The following LRP1 variants were observed in gnomAD, a reference collection of about 807,000 sequenced individuals.
LRP1 encodes LDL receptor related protein 1.
LRP1 carries 51 observed loss-of-function variants against 541.5 expected under a neutral mutation model. That is an observed-to-expected ratio of 0.09 (90% CI 0.08 to 0.12). The LOEUF (loss-of-function observed/expected upper bound fraction) is 0.12, where lower values mean the gene tolerates loss of function less well. Among genes scored for constraint, LRP1 ranks in the 10% least tolerant of loss-of-function variants. The pLI is 1.00. For synonymous variants in LRP1, 2,219 were observed against 2,470.8 expected, an observed-to-expected ratio of 0.90 and a Z score of 3.02; for missense variants, 3,878 against 6,376.2, an observed-to-expected ratio of 0.61 and a Z score of 13.34.
chr12:57,149,686 G>A, intron 6 of LRP1: 1 of 734,482 alleles, frequency 1.4e-6, no homozygotes, highest in East Asian at 2.5e-5. Context: ...ACAGGCAGGA[G>A]CAGGAAGAGA....
Position 57,180,577 on chromosome 12 carries a change from G to A in LRP1, c.5387-90G>A. 2.5e-6 allele frequency: 4 copies of A among 1,607,584 alleles called. No individual in the cohort carries two copies. The South Asian group carries it at 4.4e-5, about 18-fold the overall frequency. On this transcript the variant is annotated intron_variant, in intron 32 of 88. Transcript: ENST00000243077. ...CTTGGGGCAGTCTCTCACCATGTGG[G>A]GCGGGCCTGATGACTTAGGGCCAAT...
At chr12:57,141,324 A>T in intron 2 of LRP1, 50 bp from the exon 3 acceptor site, 2 of 1,610,622 alleles carry the variant, frequency 1.2e-6, no homozygotes, top group Non-Finnish European at 1.7e-6. Context: ...AGCTGACCAG[A>T]GAGCCACCAT....
At chr12:57,190,471 G>A (rs1158293971) in intron 42 of LRP1, among the ~76,000 whole-genome samples, 1 of 152,242 alleles carries the variant, frequency 6.6e-6, no homozygotes, top group Non-Finnish European at 1.5e-5. Context: ...GCACCTAGCT[G>A]GTGGGTGGTG....
chr12:57,203,359 G>T (rs752144799), intron 69 of LRP1, 30 bp from the exon 70 acceptor site: 1 of 1,594,760 alleles, frequency 6.3e-7, no homozygotes. Context: ...GTGCCGAGAG[G>T]TGACCGGCTG....
Position 57,205,772 on chromosome 12 carries a change from C to T in LRP1, c.11590+95C>T. 1.3e-6 allele frequency: 2 copies of T among 1,525,688 alleles called. No individual in the cohort carries two copies. Among genetic ancestry groups the T allele is most frequent in the Non-Finnish European group, 1.8e-6 (2 of 1,133,350 alleles). The allele number at this position is 1,525,688 out of a possible 1,614,324, so 94.5% of individuals were successfully genotyped here. ...TTGGAATGGAATGTCTTCCTGCGGA[C>T]ATCTTGCCCAGACAAGAAGCCCCAG... On this transcript the variant is annotated intron_variant, in intron 75 of 88. Transcript: ENST00000243077. This position sits in a 1 kb window ranked among gnomAD's most constrained non-coding sequence, Gnocchi z 4.6.
chr12:57,160,970 G>C lies in LRP1; in HGVS notation c.2057G>C (p.Gly686Ala). ...RGRLERAWMD[G>A]SHRDIFVTSK... ...CGGCTGGAGAGGGCGTGGATGGATGGCTCACACCGAGACATCTTTGTCACC... is the reference window on the plus strand; with the variant it reads ...CGGCTGGAGAGGGCGTGGATGGATGCCTCACACCGAGACATCTTTGTCACC... Residue 686 changes from glycine (G) to alanine (A), a missense_variant, in exon 13 of 89, where the codon GGC (glycine) becomes GCC (alanine). This residue lies in a region of LRP1 where 496 missense variants were observed against 861.0 expected (regional missense o/e 0.58). Coordinates refer to ENST00000243077, the MANE Select transcript of LRP1 (RefSeq NM_002332.3). The C allele has an allele frequency of 6.2e-7, 1 of 1,613,962 alleles. No homozygotes were observed. The highest frequency in any genetic ancestry group is 8.5e-7 in the Non-Finnish European group (1 of 1,180,026).
Position 57,161,013 on chromosome 12 carries a change from G to A in LRP1, c.2100G>A (p.Trp700Ter), listed in dbSNP as rs1555182810. 6.2e-7 allele frequency: 1 copy of A among 1,614,006 alleles called. No individual in the cohort carries two copies. The highest frequency in any genetic ancestry group is 8.5e-7 in the Non-Finnish European group (1 of 1,180,026). Reference sequence around the variant, plus strand: ...TTGTCACCTCCAAGACAGTGCTTTGGCCCAATGGGCTAAGCCTGGACATCC... The same window carrying A: ...TTGTCACCTCCAAGACAGTGCTTTGACCCAATGGGCTAAGCCTGGACATCC... ...DIFVTSKTVL[W>*]PNGLSLDIPA... Residue 700 changes from tryptophan (W) to a stop codon, truncating the protein, a stop_gained, in exon 13 of 89, where the codon TGG becomes TGA. Transcript: ENST00000243077. LOFTEE classifies it high-confidence loss of function.
chr12:57,148,984 G>A (rs754431380), intron 6 of LRP1: 2 of 641,554 alleles, frequency 3.1e-6, no homozygotes, highest in Non-Finnish European at 5.6e-6. Context: ...TTTTTAGTGT[G>A]TGTGTTTTCG....
intron 58 of LRP1, 93 bp from the exon 59 acceptor site, chr12:57,198,063 C>T: frequency 9.0e-7 from 1 of 1,106,702 alleles, no homozygotes; most frequent in Non-Finnish European, 1.3e-6. Context: ...GAGCTCTACC[C>T]CATTTTACAC....
At chr12:57,159,745 C>A in intron 11 of LRP1, 80 bp from the exon 12 acceptor site, 1 of 1,458,758 alleles carries the variant, frequency 6.9e-7, no homozygotes, top group South Asian at 1.2e-5. Flanking sequence ...TCAAAGGTAC[C>A]TGAGTCCGGG....
Position 57,183,138 on chromosome 12 carries a change from T to G in LRP1, c.5663-241T>G, listed in dbSNP as rs1047074283. On this transcript the variant is annotated intron_variant, in intron 34 of 88. Coordinates refer to ENST00000243077, the MANE Select transcript of LRP1 (RefSeq NM_002332.3). This position sits in a 1 kb window ranked among gnomAD's most constrained non-coding sequence, Gnocchi z 6.1. The stretch of plus-strand genomic sequence containing the variant: ...GCACAGGGTGAGAAATCCGAGTCTC[T>G]GCTGCCCTCTCATGGTGGCTAGGGG... Among the ~76,000 whole-genome samples, 3 of 152,090 alleles carry G rather than the reference T, an allele frequency of 2.0e-5. No homozygotes were observed. The highest frequency in any genetic ancestry group is 4.4e-5 in the Non-Finnish European group (3 of 68,002).
Position 57,210,115 on chromosome 12 carries a change from C to G in LRP1, c.12526C>G (p.Arg4176Gly). ...TGTCTGCACCTGTCCCAATGGGAAGCGGCTGGACAACGGCACATGCGTGCC... is the reference window on the plus strand; with the variant it reads ...TGTCTGCACCTGTCCCAATGGGAAGGGGCTGGACAACGGCACATGCGTGCC... ...GPVCTCPNGK[R>G]LDNGTCVPVP... The change falls in exon 81 of 89, where the codon CGG becomes GGG. Residue 4176 changes from arginine to glycine, a missense_variant. By Grantham distance (125) the Arg-to-Gly change is moderately radical. Transcript: ENST00000243077. 1 of 1,613,414 alleles carries G rather than the reference C, an allele frequency of 6.2e-7. No individual in the cohort carries two copies. Among genetic ancestry groups the G allele is most frequent in the Non-Finnish European group, 8.5e-7 (1 of 1,179,736 alleles).
intron 22 of LRP1, 76 bp downstream of exon 22, chr12:57,174,056 C>T (rs913941162): frequency 2.1e-6 from 3 of 1,460,010 alleles, no homozygotes; most frequent in East Asian, 4.8e-5. Context: ...CTTTGGGGGA[C>T]CTGAGTCTAG....
chr12:57,208,867 G>A (rs777923321), intron 78 of LRP1, 50 bp downstream of exon 78: 28 of 1,433,324 alleles, frequency 2.0e-5, no homozygotes, highest in East Asian at 6.8e-5. Flanking sequence ...GGCCCGGCTC[G>A]CAGAGCCCAG....
chr12:57,165,849 T>G lies in LRP1; in HGVS notation c.2575T>G (p.Phe859Val). ...VPPPQCQPGE[F>V]ACANSRCIQE... ...TCCACCCCAGTGCCAGCCAGGCGAG[T>G]TTGCCTGTGCCAACAGCCGCTGCAT... is the stretch of plus-strand genomic sequence containing the variant. Residue 859 changes from phenylalanine to valine, a missense_variant, in exon 16 of 89, where the codon TTT becomes GTT. Around this residue, in one of 13 missense-constraint regions of LRP1, gnomAD observed 496 missense variants for 861.0 expected, o/e 0.58. Transcript: ENST00000243077. This position sits in a 1 kb window ranked among gnomAD's most constrained non-coding sequence, Gnocchi z 4.5. 1 of 1,614,106 alleles carries G rather than the reference T, an allele frequency of 6.2e-7. No homozygotes were observed. The highest frequency in any genetic ancestry group is 8.5e-7 in the Non-Finnish European group (1 of 1,180,022).
chr12:57,174,400 G>A (rs1244857323), intron 22 of LRP1, among the ~76,000 whole-genome samples: 1 of 152,178 alleles, frequency 6.6e-6, no homozygotes, highest in Non-Finnish European at 1.5e-5. Context: ...AGGGTTGACT[G>A]CTGATGGTCA....
Position 57,129,506 on chromosome 12 carries a change from C to T in LRP1, c.67+475C>T, listed in dbSNP as rs34405742. On this transcript the variant is annotated intron_variant, in intron 1 of 88. Transcript: ENST00000243077. The stretch of plus-strand genomic sequence containing the variant: ...GGGAGCCAGGCCAGGGGTACCCTGC[C>T]GGGCAGAGGGCAGGCAGGCCCGGGA... 4.5e-3 allele frequency among the ~76,000 whole-genome samples: 688 copies of T among 152,052 alleles called. 5 individuals carry two copies. The highest frequency in any genetic ancestry group is 0.016 in the African/African-American group (654 of 41,482).
chr12:57,142,276 G>A (rs1467493192), intron 3 of LRP1, among the ~76,000 whole-genome samples: 3 of 152,218 alleles, frequency 2.0e-5, no homozygotes, highest in African/African-American at 7.2e-5. Flanking sequence ...TTTCTTCGGG[G>A]TCTGGGCCCG....
intron 42 of LRP1, among the ~76,000 whole-genome samples, chr12:57,190,201 T>C (rs1737406581): frequency 6.6e-6 from 1 of 152,178 alleles, no homozygotes; most frequent in African/African-American, 2.4e-5. Context: ...AGGACCCACA[T>C]ACCCCAGGAC....
Sources: allele counts gnomAD v4.1 joint callset (sites outside exome capture counted in the v4.1 genomes callset), GRCh38; gene constraint gnomAD v4.1.1; regional missense constraint gnomAD v4.1.1; non-coding constraint Gnocchi (gnomAD v3.1); transcripts MANE v1.5; gene names NCBI Gene and HGNC (gene_info 2026-07-23, HGNC 2026-07-21).